The following TAPBPL variants were observed in gnomAD, a reference collection of about 807,000 sequenced individuals.
TAPBPL encodes the protein tapasin-related protein.
TAPBPL carries 32 observed loss-of-function variants against 44.8 expected under a neutral mutation model. The ratio of observed to expected loss-of-function variants is 0.71; its 90% CI spans 0.54 to 0.96. The LOEUF is 0.96. TAPBPL is among the 40% of genes least tolerant of loss of function. The pLI, the probability that TAPBPL is intolerant of heterozygous loss-of-function variation, is 0.00. For missense variants in TAPBPL, 520 were observed against 586.6 expected, an observed-to-expected ratio of 0.89 and a Z score of 1.17; for synonymous variants, 230 against 240.7, an observed-to-expected ratio of 0.96 and a Z score of 0.41.
chr12:6,467,982 G>A (rs989478019), downstream of TAPBPL, among the ~76,000 whole-genome samples: 2 of 152,270 alleles, frequency 1.3e-5, no homozygotes, highest in African/African-American at 4.8e-5. Flanking sequence ...GGAAACGCCT[G>A]GATGTCCAGG....
chr12:6,457,764 A>G lies in TAPBPL; in HGVS notation c.904+20A>G. 1 of 1,544,446 alleles carries G rather than the reference A, an allele frequency of 6.5e-7. No individual in the cohort carries two copies. The highest frequency in any genetic ancestry group is 1.7e-4 in the Middle Eastern group (1 of 5,742). On this transcript the variant is annotated intron_variant, in intron 4 of 6. Coordinates refer to ENST00000266556, the MANE Select transcript of TAPBPL (RefSeq NM_018009.5). ...TCCAAGGTGAGGCCAGGACATGGTTATCCCAGGGAAGGGGATATAACATGT... is the reference window on the plus strand; with the variant it reads ...TCCAAGGTGAGGCCAGGACATGGTTGTCCCAGGGAAGGGGATATAACATGT...
At chr12:6,461,343 CAAG>C (rs775193696) in intron 6 of TAPBPL, 51 of 1,026,524 alleles carry the variant, frequency 5.0e-5, no homozygotes, top group Non-Finnish European at 5.6e-5. Flanking sequence ...AGTGAGGGGA[CAAG>C]AAGAAGGCAG....
downstream of TAPBPL, chr12:6,465,451 C>G (rs58490491): frequency 4.6e-3 from 345 of 74,652 alleles, 15 homozygotes; most frequent in African/African-American, 0.021. Flanking sequence ...TGTATATATA[C>G]ATATGTGTAT....
downstream of TAPBPL, chr12:6,464,751 A>C: frequency 6.5e-7 from 1 of 1,527,800 alleles, no homozygotes; most frequent in Non-Finnish European, 8.7e-7. Context: ...CCCCGTCCCG[A>C]ACCAGGTGAC....
In TAPBPL at chr12:6,457,616, A is replaced by T. The variant is rs148937081; in HGVS notation, c.776A>T (p.Gln259Leu). The T allele has an allele frequency of 1.2e-6, 2 of 1,614,182 alleles. No individual in the cohort carries two copies. The highest frequency in any genetic ancestry group is 1.1e-5 in the South Asian group (1 of 91,082). Reference protein sequence around the residue: ...VRKGATLEPAQLGMARDASLT... With the variant: ...VRKGATLEPALLGMARDASLT... The stretch of plus-strand genomic sequence containing the variant: ...AAGGGCGCTACCCTGGAGCCTGCAC[A>T]ACTGGGCATGGCCAGGGATGCCTCC... Residue 259 changes from glutamine (Q) to leucine (L), a missense_variant, in exon 4 of 7, where the codon CAA (glutamine) becomes CTA (leucine). By Grantham distance (113) the Gln-to-Leu change is moderately radical. Coordinates refer to ENST00000266556, the MANE Select transcript of TAPBPL (RefSeq NM_018009.5).
downstream of TAPBPL, chr12:6,464,889 C>T (rs1302757024): frequency 6.2e-7 from 1 of 1,614,070 alleles, no homozygotes; most frequent in East Asian, 2.2e-5. Flanking sequence ...GCGATACTTA[C>T]TTACAATAAC....
chr12:6,463,117 C>G (rs1949923947), downstream of TAPBPL: 6 of 1,498,902 alleles, frequency 4.0e-6, no homozygotes, highest in Admixed American at 1.3e-4. This position sits in a 1 kb window ranked among gnomAD's most constrained non-coding sequence, Gnocchi z 4.0. Context: ...ATAGGCTGAG[C>G]AGATCCCATC....
chr12:6,466,019 C>A, downstream of TAPBPL: 1 of 1,613,946 alleles, frequency 6.2e-7, no homozygotes, highest in South Asian at 1.1e-5. Context: ...GGCACAGAAA[C>A]AAAGCAGCTA....
downstream of TAPBPL, chr12:6,470,512 ACAC>A (rs1353612135): frequency 4.3e-6 from 7 of 1,613,994 alleles, no homozygotes; most frequent in Non-Finnish European, 5.9e-6. Flanking sequence ...CCGAGCCCCC[ACAC>A]CAGAGTCAAC....
downstream of TAPBPL, chr12:6,462,570 A>T (rs1949904081): frequency 7.2e-6 from 4 of 557,366 alleles, no homozygotes; most frequent in African/African-American, 1.9e-5. Flanking sequence ...GGTGAGAAAG[A>T]AAGTAGAAGG....
chr12:6,463,481 A>G (rs1041634177), downstream of TAPBPL: 5 of 1,043,126 alleles, frequency 4.8e-6, no homozygotes, highest in African/African-American at 6.9e-5. This position sits in a 1 kb window ranked among gnomAD's most constrained non-coding sequence, Gnocchi z 4.0. Context: ...CACTGCTAAC[A>G]CCCTCACGCT....
At chr12:6,458,598 T>G in intron 4 of TAPBPL, 47 bp from the exon 5 acceptor site, 1 of 1,594,652 alleles carries the variant, frequency 6.3e-7, no homozygotes, top group Non-Finnish European at 8.6e-7. Flanking sequence ...TCCTCCGCTG[T>G]CCCCAGTTAG....
chr12:6,461,594 C>T (rs545820940), intron 6 of TAPBPL, among the ~76,000 whole-genome samples: 2 of 152,304 alleles, frequency 1.3e-5, no homozygotes, highest in Admixed American at 6.5e-5. Flanking sequence ...GTCACCAAGC[C>T]TAGCGGCTCC....
At chr12:6,459,764 AT>A (rs766576391) in intron 5 of TAPBPL, among the ~76,000 whole-genome samples, 205 of 112,820 alleles carry the variant, frequency 1.8e-3, no homozygotes, top group African/African-American at 9.8e-3. Flanking sequence ...TTATTTATTT[AT>A]TTTATTTTAT....
Position 6,453,278 on chromosome 12 carries a change from T to C in TAPBPL, c.276T>C (p.Pro92=), listed in dbSNP as rs752494976. The C allele has an allele frequency of 1.2e-6, 2 of 1,613,996 alleles. No individual in the cohort carries two copies. Among genetic ancestry groups the C allele is most frequent in the Admixed American group, 3.3e-5 (2 of 60,010 alleles). Residue 92 remains proline, a synonymous_variant, in exon 2 of 7, where the codon CCT becomes CCC. Transcript: ENST00000266556. The surrounding 1 kb of genome is among the most constrained non-coding windows in gnomAD (Gnocchi z 4.8). ...GCACACTGGCCCAAGATGACCCACC[T>C]ATTATCTTTGAGGCCTCAGGTAAAA... is the stretch of plus-strand genomic sequence containing the variant. ...QGGTLAQDDP[P]IIFEASVDLV...
At chr12:6,465,463 TATA>T (rs1239745571), downstream of TAPBPL, 2 of 115,756 alleles carry the variant, frequency 1.7e-5, no homozygotes, top group African/African-American at 8.5e-5. Flanking sequence ...TATGTGTATA[TATA>T]GTGTGTGTGT....
At chr12:6,456,870 C>T (rs1361026400) in intron 3 of TAPBPL, among the ~76,000 whole-genome samples, 1 of 152,196 alleles carries the variant, frequency 6.6e-6, no homozygotes, top group Non-Finnish European at 1.5e-5. Flanking sequence ...CCAGGCTGGT[C>T]TCAAACTCCT....
chr12:6,470,825 C>G, downstream of TAPBPL: 1 of 536,670 alleles, frequency 1.9e-6, no homozygotes, highest in South Asian at 2.3e-5. Context: ...CCAGTCACAA[C>G]TCTCCTCTCA....
At chr12:6,463,999 G>C, downstream of TAPBPL, 1 of 1,291,934 alleles carries the variant, frequency 7.7e-7, no homozygotes, top group Non-Finnish European at 1.0e-6. The surrounding 1 kb of genome is among the most constrained non-coding windows in gnomAD (Gnocchi z 4.0). Flanking sequence ...GTCCAGGAAG[G>C]AAAGCTCCAC....
Sources: gnomAD v4.1 joint callset for allele counts (sites outside exome capture counted in the v4.1 genomes callset) on GRCh38, gnomAD v4.1.1 for gene constraint, Gnocchi (gnomAD v3.1) non-coding constraint, MANE v1.5 for transcripts, NCBI Gene and HGNC (gene_info 2026-07-23, HGNC 2026-07-21) for gene names.